PLSCR4: variants seen among roughly 807,000 people sequenced by gnomAD.
The protein encoded by PLSCR4 is Ca(2+)-dependent phospholipid scramblase 4.
PLSCR4 carries 25 observed loss-of-function variants against 36.3 expected under a neutral mutation model. That is an observed-to-expected ratio of 0.69 (90% CI 0.50 to 0.96). The LOEUF is 0.96. Among genes scored for constraint, PLSCR4 ranks in the 40% least tolerant of loss-of-function variants. The pLI is 0.00. For missense variants in PLSCR4, 408 were observed against 414.7 expected (o/e 0.98, Z 0.14); for synonymous variants, 122 against 132.9 (o/e 0.92, Z 0.56).
At chr3:146,214,852 T>C (rs1020204967) in intron 3 of PLSCR4, among the ~76,000 whole-genome samples, 1 of 152,184 alleles carries the variant, frequency 6.6e-6, no homozygotes, top group East Asian at 1.9e-4. Flanking sequence ...TTGTTCTATC[T>C]ATTATTGTAA....
intron 4 of PLSCR4, among the ~76,000 whole-genome samples, chr3:146,201,810 C>A (rs937274276): frequency 1.8e-4 from 27 of 152,028 alleles, no homozygotes; most frequent in African/African-American, 6.5e-4. Flanking sequence ...TAAAGATGAG[C>A]AGTTTGATGG....
rs2036447665 is a variant in PLSCR4 at position 146,248,962 on chromosome 3, A to T, written c.-22+1998T>A. On this transcript the variant is annotated intron_variant, in intron 1 of 8. Coordinates refer to ENST00000354952, the MANE Select transcript of PLSCR4 (RefSeq NM_020353.3). ...GTCTTACTTCATATATGTTTTGGAT[A>T]ATTAGTGTGGCTAACAGTATTCACT... Among the ~76,000 whole-genome samples, 4 of 152,254 alleles carry T rather than the reference A, an allele frequency of 2.6e-5. No homozygotes were observed. In the South Asian group the frequency reaches 6.2e-4, roughly 24 times the overall value.
rs1194079826 is a variant in PLSCR4 at position 146,194,179 on chromosome 3, G to C, written c.*232C>G. 4.2e-6 allele frequency: 2 copies of C among 477,320 alleles called. No homozygotes were observed. Among genetic ancestry groups the C allele is most frequent in the East Asian group, 3.3e-5 (1 of 30,278 alleles). 29.6% of individuals were successfully genotyped at this position (477,320 alleles called of 1,614,324 possible). A position where few individuals can be genotyped will look rare whatever the true frequency, so the allele number is the denominator to read the frequency against. Reference sequence around the variant, plus strand: ...CTTTGTATATGTTTACTGGGTTAATGAGTCACAGCTTTTCAGGATGAACTC... The same window carrying C: ...CTTTGTATATGTTTACTGGGTTAATCAGTCACAGCTTTTCAGGATGAACTC... On this transcript the variant is annotated 3_prime_UTR_variant, in exon 9 of 9. Transcript: ENST00000354952.
chr3:146,205,982 A>ACATC (rs2034307010), intron 4 of PLSCR4, among the ~76,000 whole-genome samples: 4 of 151,904 alleles, frequency 2.6e-5, no homozygotes, highest in African/African-American at 9.7e-5. Context: ...TTAATTAGGG[A>ACATC]GTTATTGTGT....
intron 3 of PLSCR4, among the ~76,000 whole-genome samples, chr3:146,209,392 C>CACCT (rs2034507329): frequency 6.6e-6 from 1 of 152,036 alleles, no homozygotes; most frequent in African/African-American, 2.4e-5. Context: ...AACCAAATAC[C>CACCT]ACCTGTTCCC....
At chr3:146,249,159 T>TA (rs2036457934) in intron 1 of PLSCR4, among the ~76,000 whole-genome samples, 1 of 152,204 alleles carries the variant, frequency 6.6e-6, no homozygotes, top group African/African-American at 2.4e-5. Context: ...CAAATGTTAA[T>TA]AAAAATCATG....
At chr3:146,230,659 G>C (rs933954614) in intron 1 of PLSCR4, among the ~76,000 whole-genome samples, 33 of 152,116 alleles carry the variant, frequency 2.2e-4, no homozygotes, top group African/African-American at 8.0e-4. Context: ...AGTGGAGAGG[G>C]AGCCTCCTGG....
intron 1 of PLSCR4, among the ~76,000 whole-genome samples, chr3:146,228,626 T>G (rs548186145): frequency 3.5e-4 from 54 of 152,156 alleles, no homozygotes; most frequent in Non-Finnish European, 7.1e-4. Flanking sequence ...TGGATGTATC[T>G]TGTAGTAAAC....
intron 3 of PLSCR4, among the ~76,000 whole-genome samples, chr3:146,219,249 C>T (rs752443337): frequency 5.3e-5 from 8 of 152,126 alleles, no homozygotes; most frequent in Non-Finnish European, 7.4e-5. Flanking sequence ...AATAGACATA[C>T]GCTTTATCAG....
At position 146,193,561 on chromosome 3, in the gene PLSCR4, A is replaced by G. The variant is rs1310237717; in HGVS notation, c.*850T>C. ...TGGCAACTTATTTTATATATAAGGC[A>G]TCTGTGACCAAGAGACGTTATGAAT... On this transcript the variant is annotated 3_prime_UTR_variant, in exon 9 of 9. Transcript: ENST00000354952. 3.3e-5 allele frequency: 5 copies of G among 152,258 alleles called. No individual in the cohort carries two copies. Among genetic ancestry groups the G allele is most frequent in the African/African-American group, 1.2e-4 (5 of 41,462 alleles). The allele number at this position is 152,258 out of a possible 1,614,324, so 9.4% of individuals were successfully genotyped here. A position where few individuals can be genotyped will look rare whatever the true frequency, so the allele number is the denominator to read the frequency against.
chr3:146,196,789 T>C lies in PLSCR4; in HGVS notation c.629A>G (p.Glu210Gly). Residue 210 changes from glutamate to glycine, a missense_variant, in exon 7 of 9, where the codon GAG becomes GGG. Glu to Gly is a moderately conservative substitution (Grantham distance 98). Coordinates refer to ENST00000354952, the MANE Select transcript of PLSCR4 (RefSeq NM_020353.3). ...GGTGACACCAGGAGGACACTGCACC[T>C]CCAGCTGCAAACAAAACAGTGACAG... ...FCCPSARQEL[E>G]VQCPPGVTIG... 1 of 1,613,614 alleles carries C rather than the reference T, an allele frequency of 6.2e-7. No individual in the cohort carries two copies. The highest frequency in any genetic ancestry group is 8.5e-7 in the Non-Finnish European group (1 of 1,179,732).
intron 6 of PLSCR4, 97 bp from the exon 7 acceptor site, chr3:146,196,890 C>T (rs1576445387): frequency 2.0e-6 from 2 of 1,018,924 alleles, no homozygotes; most frequent in East Asian, 5.2e-5. Flanking sequence ...CTCACTCATT[C>T]AAAGACTAGG....
intron 3 of PLSCR4, among the ~76,000 whole-genome samples, chr3:146,212,756 T>C (rs543686468): frequency 6.6e-6 from 1 of 152,316 alleles, no homozygotes; most frequent in Non-Finnish European, 1.5e-5. Flanking sequence ...CAATGCTGAA[T>C]AGAAGTGGCA....
At chr3:146,222,298 C>G (rs943536787) in intron 1 of PLSCR4, 3 of 297,456 alleles carry the variant, frequency 1.0e-5, no homozygotes, top group Non-Finnish European at 1.9e-5. Context: ...ATGAAGCAGA[C>G]AGACACTCTG....
rs545475663 is a variant in PLSCR4 at position 146,225,088 on chromosome 3, G to A, written c.-21-2996C>T. Among the ~76,000 whole-genome samples the A allele has an allele frequency of 1.3e-5, 2 of 151,800 alleles. 1 individual carries two copies. Among genetic ancestry groups the A allele is most frequent in the African/African-American group, 4.8e-5 (2 of 41,364 alleles). ...TACAATCCCTGAGATAGACATAAAG[G>A]TTCTCCAAGGCCCCACCAAAGCAGC... On this transcript the variant is annotated intron_variant, in intron 1 of 8. Transcript: ENST00000354952.
intron 1 of PLSCR4, among the ~76,000 whole-genome samples, chr3:146,222,837 G>A (rs1266920755): frequency 6.6e-6 from 1 of 152,174 alleles, no homozygotes; most frequent in Non-Finnish European, 1.5e-5. Context: ...GATGGCAGCA[G>A]CAATCCAGGT....
chr3:146,236,913 G>T (rs2035943101), intron 1 of PLSCR4, among the ~76,000 whole-genome samples: 1 of 151,992 alleles, frequency 6.6e-6, no homozygotes, highest in Non-Finnish European at 1.5e-5. Flanking sequence ...TAAGAAGAAA[G>T]AATGTAAGAC....
chr3:146,230,934 A>G (rs924297950), intron 1 of PLSCR4, among the ~76,000 whole-genome samples: 11 of 150,664 alleles, frequency 7.3e-5, no homozygotes, highest in Non-Finnish European at 1.0e-4. Context: ...TTACGTGTCA[A>G]TAGGGTTTGG....
chr3:146,216,749 G>T (rs2034910706), intron 3 of PLSCR4, among the ~76,000 whole-genome samples: 1 of 152,140 alleles, frequency 6.6e-6, no homozygotes, highest in African/African-American at 2.4e-5. Context: ...CCCCAGGCGT[G>T]ATTCTATGGA....
Sources: allele counts gnomAD v4.1 joint callset (sites outside exome capture counted in the v4.1 genomes callset), GRCh38; gene constraint gnomAD v4.1.1; transcripts MANE v1.5; gene names NCBI Gene and HGNC (gene_info 2026-07-23, HGNC 2026-07-21).